Variants in ACTA2 observed in about 807,000 individuals in gnomAD.
ACTA2 encodes the protein actin alpha 2, smooth muscle.
Under a neutral mutation model 39.5 loss-of-function variants are expected in ACTA2, and 12 were observed. That is an observed-to-expected ratio of 0.30 (90% CI 0.19 to 0.49). The LOEUF is 0.49. Ranked by LOEUF, ACTA2 falls within the 20% of genes least tolerant of loss-of-function variation. The pLI is 0.99. For missense variants in ACTA2, 236 were observed against 498.8 expected (o/e 0.47, Z 5.02); for synonymous variants, 158 against 180.6 (o/e 0.88, Z 1.00).
intron 1 of ACTA2, among the ~76,000 whole-genome samples, chr10:88,978,848 A>G (rs542254637): frequency 2.6e-5 from 4 of 152,224 alleles, no homozygotes; most frequent in African/African-American, 7.2e-5. Context: ...TATTAGAAGC[A>G]ACCTTCCTTA....
At chr10:88,981,226 AC>A (rs1846703387) in intron 1 of ACTA2, among the ~76,000 whole-genome samples, 1 of 152,210 alleles carries the variant, frequency 6.6e-6, no homozygotes, top group Admixed American at 6.5e-5. Flanking sequence ...AACTCACCTA[AC>A]CTATGTTTCT....
chr10:88,974,140 CT>C (rs1201192682), intron 1 of ACTA2: 1 of 151,930 alleles, frequency 6.6e-6, no homozygotes. Context: ...GTCTCCAGAG[CT>C]TTAAATTCTT....
intron 1 of ACTA2, among the ~76,000 whole-genome samples, chr10:88,987,167 T>C (rs1267574129): frequency 2.0e-5 from 3 of 152,226 alleles, no homozygotes; most frequent in Admixed American, 2.0e-4. Flanking sequence ...AGAAAAATTC[T>C]TTGGTAGAAG....
intron 1 of ACTA2, among the ~76,000 whole-genome samples, chr10:88,976,904 G>A (rs977010872): frequency 2.6e-5 from 4 of 152,198 alleles, no homozygotes; most frequent in African/African-American, 9.6e-5. Context: ...GATGTTTGTA[G>A]AGAAGTTGCA....
chr10:88,938,013 G>T (rs779517708), intron 8 of ACTA2, 48 bp downstream of exon 8: 1 of 1,605,038 alleles, frequency 6.2e-7, no homozygotes, highest in Non-Finnish European at 8.5e-7. Flanking sequence ...TGGTTATAGG[G>T]CTGACACTGC....
chr10:88,978,094 T>C (rs1301711411), intron 1 of ACTA2, among the ~76,000 whole-genome samples: 6 of 68,710 alleles, frequency 8.7e-5, no homozygotes, highest in African/African-American at 3.3e-4. Context: ...TTCATGTCCT[T>C]TGTAGGGACA....
chr10:88,986,676 AGT>A (rs1846897072), intron 1 of ACTA2, among the ~76,000 whole-genome samples: 1 of 64,980 alleles, frequency 1.5e-5, no homozygotes, highest in African/African-American at 9.0e-5. Context: ...GGAAGGAAGT[AGT>A]GCAGGAAGGA....
intron 2 of ACTA2, chr10:88,948,582 G>T: frequency 1.8e-6 from 1 of 556,288 alleles, no homozygotes; most frequent in East Asian, 3.2e-5. Context: ...AAAAGGACAT[G>T]AAAAAGGGGC....
intron 1 of ACTA2, among the ~76,000 whole-genome samples, chr10:88,960,891 C>A (rs1277824083): frequency 6.6e-6 from 1 of 152,158 alleles, no homozygotes; most frequent in Non-Finnish European, 1.5e-5. Flanking sequence ...AGTCTCTGTT[C>A]TCTGGATCCC....
intron 1 of ACTA2, among the ~76,000 whole-genome samples, chr10:88,989,847 G>A (rs564042826): frequency 6.6e-6 from 1 of 152,322 alleles, no homozygotes; most frequent in Non-Finnish European, 1.5e-5. Flanking sequence ...GTCCAGTCTG[G>A]AACTGCATCC....
At position 88,947,294 on chromosome 10, in the gene ACTA2, T is replaced by C. The variant is rs778261886; in HGVS notation, c.222A>G (p.Glu74=). The part of the protein sequence containing the change: ...RGILTLKYPI[E]HGIITNWDDM... ...CGTCCCAGTTGGTGATGATGCCATG[T>C]TCTATCGGGTACTTCAGGGTCAGGA... Residue 74 remains glutamate, a synonymous_variant, in exon 3 of 9, where the codon GAA becomes GAG. Transcript: ENST00000224784. 6.2e-7 allele frequency: 1 copy of C among 1,614,016 alleles called. No individual in the cohort carries two copies. Among genetic ancestry groups the C allele is most frequent in the Admixed American group, 1.7e-5 (1 of 60,026 alleles).
upstream of ACTA2, among the ~76,000 whole-genome samples, chr10:88,955,130 A>G (rs1428324187): frequency 2.0e-5 from 3 of 152,184 alleles, no homozygotes; most frequent in Admixed American, 6.5e-5. Flanking sequence ...AACATATCCA[A>G]CAATCATTTC....
At chr10:88,946,168 A>G (rs1845943842) in intron 3 of ACTA2, among the ~76,000 whole-genome samples, 1 of 151,834 alleles carries the variant, frequency 6.6e-6, no homozygotes, top group South Asian at 2.1e-4. Flanking sequence ...TGATGGTATG[A>G]TCAGCTCACT....
chr10:88,948,185 A>G (rs1347547934), intron 2 of ACTA2: 2 of 158,968 alleles, frequency 1.3e-5, no homozygotes, highest in East Asian at 1.8e-4. Context: ...TCTCATGAAT[A>G]TATCCCAAGC....
intron 1 of ACTA2, among the ~76,000 whole-genome samples, chr10:88,984,556 T>G (rs1183926180): frequency 6.6e-6 from 1 of 152,226 alleles, no homozygotes; most frequent in East Asian, 1.9e-4. Flanking sequence ...ACATAAGATA[T>G]CCCAGTGTTT....
chr10:88,962,480 A>C (rs1255553677), intron 1 of ACTA2, among the ~76,000 whole-genome samples: 3 of 152,182 alleles, frequency 2.0e-5, no homozygotes, highest in Non-Finnish European at 4.4e-5. Context: ...TATTTCAGAC[A>C]GGCATCTGCC....
At chr10:88,974,138 A>G (rs1385582887) in intron 1 of ACTA2, 1 of 152,070 alleles carries the variant, frequency 6.6e-6, no homozygotes, top group African/African-American at 2.4e-5. Flanking sequence ...ATGTCTCCAG[A>G]GCTTTAAATT....
At chr10:88,959,116 C>A (rs1054875555) in intron 1 of ACTA2, among the ~76,000 whole-genome samples, 6 of 152,150 alleles carry the variant, frequency 3.9e-5, no homozygotes, top group Admixed American at 1.3e-4. Context: ...TAACTACTAG[C>A]CACATGTGAC....
intron 1 of ACTA2, among the ~76,000 whole-genome samples, chr10:88,980,105 T>C (rs907135252): frequency 1.3e-5 from 2 of 152,224 alleles, no homozygotes; most frequent in African/African-American, 4.8e-5. Flanking sequence ...TAAGTTTTGT[T>C]CACCACTTCT....
Sources: gnomAD v4.1 joint callset for allele counts (sites outside exome capture counted in the v4.1 genomes callset) on GRCh38, gnomAD v4.1.1 for gene constraint, MANE v1.5 for transcripts, NCBI Gene and HGNC (gene_info 2026-07-23, HGNC 2026-07-21) for gene names.